SYNE3: variants seen among roughly 807,000 people sequenced by gnomAD.
SYNE3 encodes the protein spectrin repeat containing nuclear envelope family member 3.
SYNE3 carries 100 observed loss-of-function variants against 111.2 expected under a neutral mutation model. The observed-to-expected ratio is 0.90, with a 90% confidence interval of 0.77 to 1.06. The LOEUF (loss-of-function observed/expected upper bound fraction) is 1.06. SYNE3 is among the 50% of genes least tolerant of loss of function. SYNE3 has a pLI of 0.00. For missense variants in SYNE3, 1,160 were observed against 1,240.3 expected (o/e 0.94, Z 0.97); for synonymous variants, 547 against 533.9 (o/e 1.02, Z -0.34).
At position 95,439,611 on chromosome 14, in the gene SYNE3, C is replaced by T. The variant is rs1310677591; in HGVS notation, c.2246+1G>A. 8.7e-6 allele frequency: 14 copies of T among 1,608,112 alleles called. No homozygotes were observed. Among genetic ancestry groups the T allele is most frequent in the Non-Finnish European group, 1.2e-5 (14 of 1,180,012 alleles). ...GCTCAGAGCCTAGGAGGCACTCTCACCTCAGCAGACTTTCTTCCAGCAGCC... is the reference window on the plus strand; with the variant it reads ...GCTCAGAGCCTAGGAGGCACTCTCATCTCAGCAGACTTTCTTCCAGCAGCC... On this transcript the variant is annotated splice_donor_variant, in intron 13 of 17. Transcript: ENST00000682763. LOFTEE classifies it high-confidence loss of function.
At chr14:95,468,007 A>T in intron 2 of SYNE3, 40 bp from the exon 3 acceptor site, 1 of 1,582,686 alleles carries the variant, frequency 6.3e-7, no homozygotes, top group Non-Finnish European at 8.6e-7. Flanking sequence ...GGTTGGCAAA[A>T]GGCAGACAGG....
intron 1 of SYNE3, among the ~76,000 whole-genome samples, chr14:95,514,933 CT>C (rs1287100984): frequency 3.3e-5 from 5 of 152,238 alleles, no homozygotes; most frequent in African/African-American, 1.2e-4. Flanking sequence ...AGGTCCATGG[CT>C]GCTGGAGAGC....
intron 2 of SYNE3, among the ~76,000 whole-genome samples, chr14:95,471,443 G>T (rs750873693): frequency 1.3e-5 from 2 of 152,224 alleles, no homozygotes; most frequent in African/African-American, 4.8e-5. Context: ...CTTTTCAAGG[G>T]AGTGAGTTTG....
Position 95,485,283 on chromosome 14 carries a change from C to T in SYNE3, c.-14-9448G>A, listed in dbSNP as rs1000875540. On this transcript the variant is annotated intron_variant, in intron 1 of 17. Coordinates refer to ENST00000682763, the MANE Select transcript of SYNE3 (RefSeq NM_152592.6). The surrounding 1 kb of genome is among the most constrained non-coding windows in gnomAD (Gnocchi z 4.3). The stretch of plus-strand genomic sequence containing the variant: ...TCAACTGCATCAGTCACTTCTGTTT[C>T]TGAAGAGCAGAGCAGGCTTCCTCCT... 2.6e-5 allele frequency among the ~76,000 whole-genome samples: 4 copies of T among 152,162 alleles called. No individual in the cohort carries two copies. The highest frequency in any genetic ancestry group is 5.9e-5 in the Non-Finnish European group (4 of 68,018).
intron 7 of SYNE3, chr14:95,451,799 T>A (rs1887098073): frequency 6.5e-6 from 1 of 154,426 alleles, no homozygotes; most frequent in African/African-American, 2.4e-5. Flanking sequence ...ACAGGGCTGC[T>A]GCATTTGCTA....
At position 95,416,012 on chromosome 14, in the gene SYNE3, C is replaced by CAAT. The variant is rs1384531976; in HGVS notation, c.*1811_*1813dup. ...CTCCATCTCAAAATAATTATAATAA[C>CAAT]AATAATAATAATAACTCAGAGCCAG... On this transcript the variant is annotated 3_prime_UTR_variant, in exon 18 of 18. Transcript: ENST00000682763. The CAAT allele has an allele frequency of 6.6e-6, 1 of 151,646 alleles. No individual in the cohort carries two copies. The highest frequency in any genetic ancestry group is 1.5e-5 in the Non-Finnish European group (1 of 67,970). 9.4% of individuals were successfully genotyped at this position (151,646 alleles called of 1,614,324 possible).
chr14:95,502,496 G>A (rs1343703949), intron 1 of SYNE3, among the ~76,000 whole-genome samples: 7 of 152,096 alleles, frequency 4.6e-5, no homozygotes, highest in African/African-American at 1.2e-4. Context: ...TCCAGTCACT[G>A]TCTTCCTTAT....
At chr14:95,425,113 G>A (rs1885357937) in intron 17 of SYNE3, among the ~76,000 whole-genome samples, 1 of 152,150 alleles carries the variant, frequency 6.6e-6, no homozygotes, top group Non-Finnish European at 1.5e-5. Context: ...TGGTGTGATG[G>A]TGGGCACCTG....
In SYNE3 at chr14:95,455,721, T is replaced by C. The variant is rs757194288; in HGVS notation, c.793A>G (p.Ile265Val). Residue 265 changes from isoleucine (I) to valine (V), a missense_variant, in exon 6 of 18, where the codon ATT (isoleucine) becomes GTT (valine). By Grantham distance (29) the Ile-to-Val change is conservative. Coordinates refer to ENST00000682763, the MANE Select transcript of SYNE3 (RefSeq NM_152592.6). ...TCGCCCCTGGGAAAATCTTTGGCAA[T>C]GTCCTGAAGAGGGTAGAGGGGTGAG... The part of the protein sequence containing the change: ...ITQRLSTLQD[I>V]AKDFPRGEES... 6.2e-7 allele frequency: 1 copy of C among 1,613,866 alleles called. No individual in the cohort carries two copies. The highest frequency in any genetic ancestry group is 1.1e-5 in the South Asian group (1 of 91,086).
chr14:95,432,273 A>G (rs1316841763), intron 16 of SYNE3, among the ~76,000 whole-genome samples, 156 bp from the exon 17 acceptor site: 1 of 152,230 alleles, frequency 6.6e-6, no homozygotes, highest in Non-Finnish European at 1.5e-5. Context: ...CCAGCAGATG[A>G]TTCGATTTAA....
At chr14:95,482,997 T>G (rs1453402256) in intron 1 of SYNE3, among the ~76,000 whole-genome samples, 2 of 152,058 alleles carry the variant, frequency 1.3e-5, no homozygotes, top group Admixed American at 1.3e-4. Context: ...GCCCTCTCTG[T>G]CCCTCCCAGA....
chr14:95,488,001 A>C (rs1201926670), intron 1 of SYNE3, among the ~76,000 whole-genome samples: 1 of 152,200 alleles, frequency 6.6e-6, no homozygotes, highest in Non-Finnish European at 1.5e-5. Flanking sequence ...CCACTTCATA[A>C]ACAGTAAATA....
intron 14 of SYNE3, 75 bp downstream of exon 14, chr14:95,438,958 T>G: frequency 6.3e-7 from 1 of 1,585,436 alleles, no homozygotes; most frequent in South Asian, 1.1e-5. Flanking sequence ...GGGAGGGGCC[T>G]GTGCTGGAGA....
chr14:95,475,593 T>G (rs766505883), intron 2 of SYNE3, 85 bp downstream of exon 2: 63 of 1,309,366 alleles, frequency 4.8e-5, no homozygotes, highest in Non-Finnish European at 6.0e-5. Flanking sequence ...ACCGTTGCCT[T>G]TCACAGATAG....
rs920909260 is a variant in SYNE3 at position 95,411,375 on chromosome 14, G to A, written c.*6451C>T. 6.6e-6 allele frequency: 1 copy of A among 152,006 alleles called. No homozygotes were observed. Among genetic ancestry groups the A allele is most frequent in the Non-Finnish European group, 1.5e-5 (1 of 68,018 alleles). The allele number at this position is 152,006 out of a possible 1,614,324, so 9.4% of individuals were successfully genotyped here. A position where few individuals can be genotyped will look rare whatever the true frequency, so the allele number is the denominator to read the frequency against. On this transcript the variant is annotated 3_prime_UTR_variant, in exon 18 of 18. Coordinates refer to ENST00000682763, the MANE Select transcript of SYNE3 (RefSeq NM_152592.6). Reference sequence around the variant, plus strand: ...GACCAGAATTGAGAGCTTTCTGAGAGGGCTGGTACAGGTGTAAGGATGTCA... The same window carrying A: ...GACCAGAATTGAGAGCTTTCTGAGAAGGCTGGTACAGGTGTAAGGATGTCA...
intron 17 of SYNE3, among the ~76,000 whole-genome samples, chr14:95,429,012 CT>C (rs1284064495): frequency 6.6e-6 from 1 of 152,252 alleles, no homozygotes; most frequent in Non-Finnish European, 1.5e-5. Context: ...ATTACAGCCT[CT>C]GAAGACAGCA....
rs928215400 is a variant in SYNE3 at position 95,470,345 on chromosome 14, T to C, written c.145-2378A>G. ...AGAGATTTAATTTGATTAAAAATAA[T>C]AGTAGACCAGGCGTGGTGACTCATG... On this transcript the variant is annotated intron_variant, in intron 2 of 17. Coordinates refer to ENST00000682763, the MANE Select transcript of SYNE3 (RefSeq NM_152592.6). The surrounding 1 kb of genome is among the most constrained non-coding windows in gnomAD (Gnocchi z 4.2). Among the ~76,000 whole-genome samples, 4 of 152,082 alleles carry C rather than the reference T, an allele frequency of 2.6e-5. No individual in the cohort carries two copies. Among genetic ancestry groups the C allele is most frequent in the African/African-American group, 4.8e-5 (2 of 41,406 alleles).
chr14:95,458,679 A>T (rs1057219459), intron 4 of SYNE3, among the ~76,000 whole-genome samples: 1 of 152,198 alleles, frequency 6.6e-6, no homozygotes, highest in Non-Finnish European at 1.5e-5. Flanking sequence ...TGTCCATGGC[A>T]TCGTCACCCA....
Position 95,455,401 on chromosome 14 carries a change from C to A in SYNE3, c.1113G>T (p.Leu371=), listed in dbSNP as rs1309413372. Residue 371 remains leucine, a synonymous_variant, in exon 6 of 18, where the codon CTG becomes CTT. Coordinates refer to ENST00000682763, the MANE Select transcript of SYNE3 (RefSeq NM_152592.6). ...PAAKAGTEDE[L]VAHWRRYSAT... Reference sequence around the variant, plus strand: ...CCGAGTAGCGTCTCCAGTGTGCCACCAGCTCGTCCTCGGTCCCCGCTTTCG... The same window carrying A: ...CCGAGTAGCGTCTCCAGTGTGCCACAAGCTCGTCCTCGGTCCCCGCTTTCG... 2 of 1,552,488 alleles carry A rather than the reference C, an allele frequency of 1.3e-6. No homozygotes were observed. The highest frequency in any genetic ancestry group is 1.7e-6 in the Non-Finnish European group (2 of 1,150,000).
Sources: allele counts gnomAD v4.1 joint callset (sites outside exome capture counted in the v4.1 genomes callset), GRCh38; gene constraint gnomAD v4.1.1; non-coding constraint Gnocchi (gnomAD v3.1); transcripts MANE v1.5; gene names NCBI Gene and HGNC (gene_info 2026-07-23, HGNC 2026-07-21).